Variants in CERS1 observed in about 807,000 individuals in gnomAD.
The protein encoded by CERS1 is Embryonic growth/differentiation factor 1.
In CERS1, 16 loss-of-function variants were observed where a neutral mutation model predicts 35.7. The ratio of observed to expected loss-of-function variants is 0.45; its 90% CI spans 0.30 to 0.68. CERS1 has a LOEUF of 0.68. Ranked by LOEUF, CERS1 falls within the 30% of genes least tolerant of loss-of-function variation. CERS1 has a pLI of 0.08. For synonymous variants in CERS1, 243 were observed against 201.6 expected (o/e 1.21, Z -1.74); for missense variants, 454 against 453.9 (o/e 1.00, Z 0.00).
chr19:18,892,846 T>C (rs895351593), intron 2 of CERS1, among the ~76,000 whole-genome samples: 16 of 152,192 alleles, frequency 1.1e-4, no homozygotes, highest in African/African-American at 3.9e-4. Flanking sequence ...CACCTTTGTC[T>C]TGGGGCTGGC....
rs756469531 is a variant in CERS1 at position 18,870,141 on chromosome 19, C to T, written c.*436G>A. On this transcript the variant is annotated 3_prime_UTR_variant, in exon 7 of 8. Transcript: ENST00000623882. This position sits in a 1 kb window ranked among gnomAD's most constrained non-coding sequence, Gnocchi z 5.1. ...GCGCCACATGACCGGGGGAACCGGC[C>T]GGAGCCTGGGGGCACCCTGGGGCTC... 1.3e-6 allele frequency: 2 copies of T among 1,564,296 alleles called. No individual in the cohort carries two copies. The highest frequency in any genetic ancestry group is 2.3e-5 in the East Asian group (1 of 43,688).
At chr19:18,886,250 T>C (rs2056356144) in intron 2 of CERS1, among the ~76,000 whole-genome samples, 1 of 149,442 alleles carries the variant, frequency 6.7e-6, no homozygotes, top group Non-Finnish European at 1.5e-5. Flanking sequence ...TGCAAAAAAA[T>C]ATATAAAAAT....
At position 18,870,557 on chromosome 19, in the gene CERS1, C is replaced by T; in HGVS notation, c.*20G>A. 1.4e-5 allele frequency: 1 copy of T among 69,000 alleles called. No homozygotes were observed. Among genetic ancestry groups the T allele is most frequent in the East Asian group, 2.4e-4 (1 of 4,086 alleles). The allele number at this position is 69,000 out of a possible 1,614,324, so 4.3% of individuals were successfully genotyped here. A position where few individuals can be genotyped will look rare whatever the true frequency, so the allele number is the denominator to read the frequency against. On this transcript the variant is annotated 3_prime_UTR_variant, in exon 7 of 8. Transcript: ENST00000623882. The surrounding 1 kb of genome is among the most constrained non-coding windows in gnomAD (Gnocchi z 5.1). The stretch of plus-strand genomic sequence containing the variant: ...GGTATTCGGGGTGGGGCCGGGTCCA[C>T]GGGGGCGGGGCCGAGGGGTTCAGAA...
Position 18,868,578 on chromosome 19 carries a change from C to T in CERS1, c.*1407G>A, listed in dbSNP as rs1394213513. ...CACGCGGCATTTATTGTTGGGCCCG[C>T]GTCCCTGCCCGCCCCGGGTTAGCGG... is the stretch of plus-strand genomic sequence containing the variant. On this transcript the variant is annotated 3_prime_UTR_variant, in exon 8 of 8. Transcript: ENST00000623882. The T allele has an allele frequency of 6.5e-7, 1 of 1,531,946 alleles. No individual in the cohort carries two copies. Among genetic ancestry groups the T allele is most frequent in the Non-Finnish European group, 8.8e-7 (1 of 1,130,364 alleles). 94.9% of individuals were successfully genotyped at this position (1,531,946 alleles called of 1,614,324 possible). A position where few individuals can be genotyped will look rare whatever the true frequency, so the allele number is the denominator to read the frequency against.
chr19:18,893,060 G>T (rs1245209729), intron 2 of CERS1, among the ~76,000 whole-genome samples: 2 of 151,772 alleles, frequency 1.3e-5, no homozygotes, highest in African/African-American at 4.8e-5. Context: ...GGGATTACAG[G>T]CGCCCACCAC....
At position 18,895,140 on chromosome 19, in the gene CERS1, C is replaced by A. The variant is rs536167088; in HGVS notation, c.249+684G>T. Among the ~76,000 whole-genome samples the A allele has an allele frequency of 6.6e-6, 1 of 152,260 alleles. No individual in the cohort carries two copies. The highest frequency in any genetic ancestry group is 1.9e-4 in the East Asian group (1 of 5,196). On this transcript the variant is annotated intron_variant, in intron 1 of 7. Coordinates refer to ENST00000623882, the MANE Select transcript of CERS1 (RefSeq NM_021267.5). The surrounding 1 kb of genome is among the most constrained non-coding windows in gnomAD (Gnocchi z 6.4). ...CCGGGCCATGTCACCTCCAAGGGAG[C>A]GACCACTGGCGTGGCCAGAGCACCC...
intron 2 of CERS1, among the ~76,000 whole-genome samples, chr19:18,884,590 G>A (rs2056303516): frequency 6.6e-6 from 1 of 151,362 alleles, no homozygotes; most frequent in Non-Finnish European, 1.5e-5. Flanking sequence ...TGTATTTTTA[G>A]TAGAGACGGG....
chr19:18,870,440 A>C lies in CERS1; in HGVS notation c.*137T>G. The C allele has an allele frequency of 2.2e-6, 1 of 464,538 alleles. No individual in the cohort carries two copies. The highest frequency in any genetic ancestry group is 3.2e-6 in the Non-Finnish European group (1 of 309,808). 28.8% of individuals were successfully genotyped at this position (464,538 alleles called of 1,614,324 possible). A position where few individuals can be genotyped will look rare whatever the true frequency, so the allele number is the denominator to read the frequency against. ...GTGGCCGGGAACTGGAGGCAGGATGAGGGGGCGGGGTCCCAGGGGAGGTGG... is the reference window on the plus strand; with the variant it reads ...GTGGCCGGGAACTGGAGGCAGGATGCGGGGGCGGGGTCCCAGGGGAGGTGG... On this transcript the variant is annotated 3_prime_UTR_variant, in exon 7 of 8. Coordinates refer to ENST00000623882, the MANE Select transcript of CERS1 (RefSeq NM_021267.5). The surrounding 1 kb of genome is among the most constrained non-coding windows in gnomAD (Gnocchi z 5.1).
At chr19:18,884,031 C>T (rs1423164341) in intron 3 of CERS1, 56 bp downstream of exon 3, 10 of 1,562,830 alleles carry the variant, frequency 6.4e-6, no homozygotes, top group Non-Finnish European at 8.7e-6. Flanking sequence ...CAACATCAGC[C>T]TCCGCACTCT....
intron 6 of CERS1, among the ~76,000 whole-genome samples, chr19:18,875,629 T>C (rs2056047297): frequency 6.6e-6 from 1 of 152,216 alleles, no homozygotes; most frequent in Admixed American, 6.5e-5. Context: ...AGAGCTTTCT[T>C]TTATTAAACT....
rs556458185 is a variant in CERS1, at chr19:18,886,317, A to T, written c.410-2050T>A. ...GTAATCCCAGCACTTTGGGAGGCCG[A>T]GGCGGGCGGATCACAAGGTCAGGAG... On this transcript the variant is annotated intron_variant, in intron 2 of 7. Transcript: ENST00000623882. Among the ~76,000 whole-genome samples the T allele has an allele frequency of 2.2e-3, 336 of 152,262 alleles. 1 individual carries two copies. The highest frequency in any genetic ancestry group is 4.5e-3 in the Admixed American group (69 of 15,290).
rs756469531 is a variant in CERS1 at position 18,870,141 on chromosome 19, C to G, written c.*436G>C. The G allele has an allele frequency of 6.4e-7, 1 of 1,564,298 alleles. No homozygotes were observed. The highest frequency in any genetic ancestry group is 2.3e-5 in the East Asian group (1 of 43,688). On this transcript the variant is annotated 3_prime_UTR_variant, in exon 7 of 8. Transcript: ENST00000623882. This position sits in a 1 kb window ranked among gnomAD's most constrained non-coding sequence, Gnocchi z 5.1. ...GCGCCACATGACCGGGGGAACCGGC[C>G]GGAGCCTGGGGGCACCCTGGGGCTC...
Position 18,895,802 on chromosome 19 carries a change from C to G in CERS1, c.249+22G>C. 1 of 1,216,234 alleles carries G rather than the reference C, an allele frequency of 8.2e-7. No individual in the cohort carries two copies. The highest frequency in any genetic ancestry group is 1.0e-6 in the Non-Finnish European group (1 of 967,278). The allele number at this position is 1,216,234 out of a possible 1,614,324, so 75.3% of individuals were successfully genotyped here. ...TTCCCCCAGTCCGGGGTCCCCTCGT[C>G]CCGGCCCCCGGCCACACTGACCCGA... On this transcript the variant is annotated intron_variant, in intron 1 of 7. Transcript: ENST00000623882. The surrounding 1 kb of genome is among the most constrained non-coding windows in gnomAD (Gnocchi z 6.4).
intron 5 of CERS1, 30 bp from the exon 6 acceptor site, chr19:18,879,069 GAAGA>G: frequency 6.2e-7 from 1 of 1,609,412 alleles, no homozygotes; most frequent in East Asian, 2.2e-5. Context: ...GTGCCAGTGA[GAAGA>G]AAGCCCCCAC....
chr19:18,879,074 A>G (rs762892224), intron 5 of CERS1, 35 bp from the exon 6 acceptor site: 3 of 1,607,308 alleles, frequency 1.9e-6, no homozygotes. Context: ...AGTGAGAAGA[A>G]AGCCCCCACG....
In CERS1 at chr19:18,878,892, A is replaced by G. The variant is rs1354197090; in HGVS notation, c.1010+38T>C. 2 of 1,607,738 alleles carry G rather than the reference A, an allele frequency of 1.2e-6. No individual in the cohort carries two copies. On this transcript the variant is annotated intron_variant, in intron 6 of 7. Transcript: ENST00000623882. The surrounding 1 kb of genome is among the most constrained non-coding windows in gnomAD (Gnocchi z 4.6). The stretch of plus-strand genomic sequence containing the variant: ...GAACACGCTTGGACGGGTGACACTA[A>G]AGGAGGGAACGCGGGGTGCGGGCCC...
chr19:18,888,274 G>A (rs1375514806), intron 2 of CERS1, among the ~76,000 whole-genome samples: 5 of 151,950 alleles, frequency 3.3e-5, no homozygotes, highest in South Asian at 2.1e-4. Context: ...CAGGAGAATC[G>A]CTTGAACCTG....
chr19:18,880,368 TG>T lies in CERS1; in HGVS notation c.657del (p.Lys220SerfsTer75). ...CGGGACTTGAAGTAAATGTTGAGCT[TG>T]GTGAACTCAAGCTGCACGTCACTGA... ...HDISDVQLEF[T>X]KLNIYFKSRG... On this transcript the variant is annotated frameshift_variant, in exon 4 of 8. Transcript: ENST00000623882. LOFTEE classifies it high-confidence loss of function. The T allele has an allele frequency of 6.4e-7, 1 of 1,574,494 alleles. No homozygotes were observed.
At chr19:18,875,064 G>T (rs76969770) in intron 6 of CERS1, among the ~76,000 whole-genome samples, 1 of 151,754 alleles carries the variant, frequency 6.6e-6, no homozygotes, top group East Asian at 1.9e-4. Flanking sequence ...GTGAGATCTC[G>T]TCTCTACAAA....
Sources: gnomAD v4.1 joint callset for allele counts (sites outside exome capture counted in the v4.1 genomes callset) on GRCh38, gnomAD v4.1.1 for gene constraint, Gnocchi (gnomAD v3.1) non-coding constraint, MANE v1.5 for transcripts, NCBI Gene and HGNC (gene_info 2026-07-23, HGNC 2026-07-21) for gene names.